The following ASCC1 variants were observed in gnomAD, a reference collection of about 807,000 sequenced individuals.
The protein encoded by ASCC1 is ASC-1 complex subunit P50.
ASCC1 carries 35 observed loss-of-function variants against 46.6 expected under a neutral mutation model. The observed-to-expected ratio is 0.75, with a 90% confidence interval of 0.57 to 0.99. The LOEUF (loss-of-function observed/expected upper bound fraction) is 0.99, where lower values mean the gene tolerates loss of function less well. Ranked by LOEUF, ASCC1 falls within the 50% of genes least tolerant of loss-of-function variation. The pLI is 0.00. For synonymous variants in ASCC1, 143 were observed against 146.6 expected (o/e 0.98, Z 0.18); for missense variants, 376 against 428.7 (o/e 0.88, Z 1.09).
In ASCC1 at chr10:72,216,188, T is replaced by C. The variant is rs1859264711; in HGVS notation, c.-34+19A>G. On this transcript the variant is annotated intron_variant, in intron 1 of 9. Transcript: ENST00000672957. ...CCTCGGGAGCTTGGTGAAAAGGGAG[T>C]TAACCCCCAGGATCCTACCTGCAGG... 1 of 152,774 alleles carries C rather than the reference T, an allele frequency of 6.5e-6. No homozygotes were observed. The highest frequency in any genetic ancestry group is 2.0e-4 in the South Asian group (1 of 4,948). The allele number at this position is 152,774 out of a possible 1,614,324, so 9.5% of individuals were successfully genotyped here.
intron 5 of ASCC1, chr10:72,190,051 C>G: frequency 1.3e-6 from 1 of 758,736 alleles, no homozygotes. Flanking sequence ...CTGCCCTCCA[C>G]AGTGCTCCCC....
At chr10:72,195,203 A>G (rs1022480678) in intron 5 of ASCC1, among the ~76,000 whole-genome samples, 2 of 141,932 alleles carry the variant, frequency 1.4e-5, no homozygotes, top group Admixed American at 7.5e-5. Flanking sequence ...CTGGAGTGCA[A>G]TAATACAATC....
intron 9 of ASCC1, chr10:72,103,104 C>T (rs1841969118): frequency 3.1e-6 from 1 of 321,388 alleles, no homozygotes; most frequent in Non-Finnish European, 6.1e-6. Flanking sequence ...ATTGCGTCCT[C>T]ACAACCCCAC....
At chr10:72,133,464 G>A (rs1845836099) in intron 7 of ASCC1, 1 of 420,698 alleles carries the variant, frequency 2.4e-6, no homozygotes, top group South Asian at 2.2e-5. Context: ...TTCCACAGGA[G>A]GTTTAGACAT....
chr10:72,128,077 C>T lies in ASCC1; in HGVS notation c.957+5G>A, dbSNP rs756140759. The T allele has an allele frequency of 2.5e-6, 4 of 1,611,256 alleles. No homozygotes were observed. Among genetic ancestry groups the T allele is most frequent in the South Asian group, 2.2e-5 (2 of 91,020 alleles). On this transcript the variant is annotated splice_donor_5th_base_variant and intron_variant, in intron 9 of 9. Coordinates refer to ENST00000672957, the MANE Select transcript of ASCC1 (RefSeq NM_001198800.3). Reference sequence around the variant, plus strand: ...GATTTCCAATTCACTCTGCTTCATACTGACCTTTAAAATATTTCGGCCATC... The same window carrying T: ...GATTTCCAATTCACTCTGCTTCATATTGACCTTTAAAATATTTCGGCCATC...
chr10:72,163,924 T>C (rs1300327312), intron 5 of ASCC1, among the ~76,000 whole-genome samples: 1 of 152,154 alleles, frequency 6.6e-6, no homozygotes, highest in Non-Finnish European at 1.5e-5. Context: ...CTTTATCATC[T>C]GATAAAAGCA....
intron 8 of ASCC1, among the ~76,000 whole-genome samples, chr10:72,132,235 T>C (rs544333958): frequency 6.6e-6 from 1 of 152,244 alleles, no homozygotes; most frequent in East Asian, 1.9e-4. Context: ...ATACGTGACC[T>C]TGGTGCTGCT....
chr10:72,097,953 T>C (rs2131852733), intron 9 of ASCC1, among the ~76,000 whole-genome samples: 1 of 152,286 alleles, frequency 6.6e-6, no homozygotes, highest in South Asian at 2.1e-4. Flanking sequence ...CACAAGTGAT[T>C]CAGACAAACC....
At chr10:72,126,543 C>G (rs1227276846) in intron 9 of ASCC1, among the ~76,000 whole-genome samples, 3 of 152,314 alleles carry the variant, frequency 2.0e-5, no homozygotes, top group African/African-American at 4.8e-5. Flanking sequence ...CATCACCCCA[C>G]TCTTACAGAT....
chr10:72,158,609 T>C (rs1184607048), intron 6 of ASCC1, among the ~76,000 whole-genome samples: 2 of 152,178 alleles, frequency 1.3e-5, no homozygotes, highest in Non-Finnish European at 2.9e-5. Flanking sequence ...ATCCTTCAAA[T>C]TAAAAAACTA....
chr10:72,186,363 T>A (rs1333458847), intron 5 of ASCC1, among the ~76,000 whole-genome samples: 1 of 152,152 alleles, frequency 6.6e-6, no homozygotes, highest in African/African-American at 2.4e-5. Flanking sequence ...AGAGATGCTA[T>A]CTTTTTCTTA....
chr10:72,154,974 AAAAACTGATATAAAATGATATAT>A (rs1463335372), intron 6 of ASCC1, among the ~76,000 whole-genome samples: 1 of 152,234 alleles, frequency 6.6e-6, no homozygotes, highest in African/African-American at 2.4e-5. Context: ...AAAAAACATT[AAAAACTGATATAAAATGATATAT>A]AAAACTGATA....
At chr10:72,186,062 C>T (rs1430326190) in intron 5 of ASCC1, among the ~76,000 whole-genome samples, 1 of 151,894 alleles carries the variant, frequency 6.6e-6, no homozygotes, top group South Asian at 2.1e-4. Context: ...GAATACTTCA[C>T]AGCAATTAAA....
At chr10:72,211,747 C>T (rs553800291) in intron 2 of ASCC1, among the ~76,000 whole-genome samples, 1 of 151,570 alleles carries the variant, frequency 6.6e-6, no homozygotes, top group South Asian at 2.1e-4. Context: ...GGCGTGAATC[C>T]GGGAGGCAGA....
At chr10:72,131,064 T>A (rs2132271659) in intron 8 of ASCC1, among the ~76,000 whole-genome samples, 1 of 152,290 alleles carries the variant, frequency 6.6e-6, no homozygotes, top group South Asian at 2.1e-4. Flanking sequence ...CAAGCTGCAT[T>A]ATAATACATA....
intron 5 of ASCC1, among the ~76,000 whole-genome samples, chr10:72,172,187 G>A (rs554817823): frequency 4.6e-5 from 7 of 151,940 alleles, no homozygotes; most frequent in Non-Finnish European, 8.8e-5. Context: ...AGGCCGAGGC[G>A]GGCGGATCAC....
At chr10:72,213,109 T>C in intron 2 of ASCC1, 78 bp downstream of exon 2, 2 of 1,045,420 alleles carry the variant, frequency 1.9e-6, no homozygotes, top group Non-Finnish European at 3.0e-6. Context: ...CAGAAACACA[T>C]TAAAACAAAC....
chr10:72,187,221 T>C (rs1377610984), intron 5 of ASCC1, among the ~76,000 whole-genome samples: 1 of 152,212 alleles, frequency 6.6e-6, no homozygotes, highest in African/African-American at 2.4e-5. Context: ...TTTCTGATGG[T>C]TCAGTGATAT....
chr10:72,110,615 C>A (rs1842822314), intron 9 of ASCC1, among the ~76,000 whole-genome samples: 1 of 152,146 alleles, frequency 6.6e-6, no homozygotes, highest in Non-Finnish European at 1.5e-5. Flanking sequence ...GGTGAAACCC[C>A]GTCTCTACTA....
Sources: allele counts gnomAD v4.1 joint callset (sites outside exome capture counted in the v4.1 genomes callset), GRCh38; gene constraint gnomAD v4.1.1; transcripts MANE v1.5; gene names NCBI Gene and HGNC (gene_info 2026-07-23, HGNC 2026-07-21).